ADRA1B: variants seen among roughly 807,000 people sequenced by gnomAD.
ADRA1B encodes the protein alpha-1B adrenergic receptor.
In ADRA1B, 17 loss-of-function variants were observed where a neutral mutation model predicts 17.9. The ratio of observed to expected loss-of-function variants is 0.95; its 90% confidence interval spans 0.65 to 1.42. The LOEUF is 1.42. Ranked by LOEUF, ADRA1B falls within the 40% of genes most tolerant of loss-of-function variation. The pLI is 0.00. For synonymous variants in ADRA1B, 366 were observed against 327.6 expected (o/e 1.12, Z -1.27); for missense variants, 681 against 722.1 (o/e 0.94, Z 0.65).
chr5:159,974,877 G>A (rs1041088816), downstream of ADRA1B, among the ~76,000 whole-genome samples: 7 of 152,248 alleles, frequency 4.6e-5, no homozygotes, highest in East Asian at 5.8e-4. Context: ...GGAGACTGAG[G>A]TAAATAATTT....
At chr5:159,909,092 A>G (rs1363510526) in intron 1 of ADRA1B, among the ~76,000 whole-genome samples, 5 of 152,208 alleles carry the variant, frequency 3.3e-5, no homozygotes, top group Admixed American at 3.3e-4. Flanking sequence ...TCCAGTAAAC[A>G]GCAGAGACAC....
chr5:159,927,457 TATTCTG>T (rs201678738), intron 1 of ADRA1B, among the ~76,000 whole-genome samples: 2 of 150,336 alleles, frequency 1.3e-5, no homozygotes, highest in Admixed American at 1.3e-4. Flanking sequence ...AGGCCAACAA[TATTCTG>T]ATTCTTTCCA....
At chr5:159,965,461 C>T (rs1416141190) in intron 1 of ADRA1B, among the ~76,000 whole-genome samples, 1 of 152,206 alleles carries the variant, frequency 6.6e-6, no homozygotes, top group African/African-American at 2.4e-5. Flanking sequence ...TTACTCCCCT[C>T]ACCCAGCAGC....
downstream of ADRA1B, among the ~76,000 whole-genome samples, chr5:159,974,440 G>T (rs1178845006): frequency 6.6e-6 from 1 of 152,202 alleles, no homozygotes; most frequent in Non-Finnish European, 1.5e-5. Context: ...TTCAAGACCA[G>T]CCTGGCCAAC....
chr5:159,962,382 T>A (rs1222419568), intron 1 of ADRA1B, among the ~76,000 whole-genome samples: 3 of 133,928 alleles, frequency 2.2e-5, no homozygotes, highest in African/African-American at 7.9e-5. Flanking sequence ...GCCATCTGTC[T>A]GAGTGGTGCT....
chr5:159,932,667 T>C (rs549975737), intron 1 of ADRA1B, among the ~76,000 whole-genome samples: 25 of 152,256 alleles, frequency 1.6e-4, no homozygotes, highest in African/African-American at 5.8e-4. Context: ...AGGCAACCAC[T>C]ATTAACAGTT....
At chr5:159,924,649 G>T (rs1268804901) in intron 1 of ADRA1B, among the ~76,000 whole-genome samples, 2 of 152,172 alleles carry the variant, frequency 1.3e-5, no homozygotes, top group Non-Finnish European at 2.9e-5. Context: ...ACCCCTGCTG[G>T]AGCAAAACGG....
chr5:159,872,594 G>T (rs538360838), intron 1 of ADRA1B, among the ~76,000 whole-genome samples: 1 of 152,124 alleles, frequency 6.6e-6, no homozygotes, highest in African/African-American at 2.4e-5. Context: ...TTGAATCCAG[G>T]TCTGTCTGAA....
chr5:159,915,064 G>A (rs187331714), upstream of ADRA1B, among the ~76,000 whole-genome samples: 302 of 152,310 alleles, frequency 2.0e-3, 2 homozygotes, highest in Admixed American at 0.012. Context: ...ATCAGTAAGC[G>A]CTCAATTCAT....
At position 159,924,020 on chromosome 5, in the gene ADRA1B, T is replaced by C. The variant is rs901923539; in HGVS notation, c.949+6166T>C. Among the ~76,000 whole-genome samples the C allele has an allele frequency of 2.0e-5, 3 of 152,248 alleles. No homozygotes were observed. The East Asian group carries it at 5.8e-4, about 29-fold the overall frequency. ...TGGTAGAGTCTATCAAACACCACAT[T>C]TGGCACTCAATAAACATTCATTATA... On this transcript the variant is annotated intron_variant, in intron 1 of 1. Transcript: ENST00000306675.
rs565986462 is a variant in ADRA1B at position 159,926,139 on chromosome 5, T to C, written c.949+8285T>C. Among the ~76,000 whole-genome samples the C allele has an allele frequency of 5.3e-5, 8 of 152,328 alleles. No individual in the cohort carries two copies. In the East Asian group the frequency reaches 1.5e-3, roughly 29 times the overall value. The stretch of plus-strand genomic sequence containing the variant: ...GTGCACTCAATTGAAGTAAAATTAT[T>C]TGCCACTTCCCAAATACACTTTGCA... On this transcript the variant is annotated intron_variant, in intron 1 of 1. Transcript: ENST00000306675.
chr5:159,872,957 G>A (rs755652285), intron 1 of ADRA1B, among the ~76,000 whole-genome samples: 8 of 142,714 alleles, frequency 5.6e-5, no homozygotes, highest in Admixed American at 1.4e-4. Flanking sequence ...CCCAGTGTGT[G>A]ATGTTCCCCT....
intron 1 of ADRA1B, among the ~76,000 whole-genome samples, chr5:159,897,347 G>T (rs923220204): frequency 6.6e-6 from 1 of 152,102 alleles, no homozygotes; most frequent in Non-Finnish European, 1.5e-5. Context: ...TTAGCCGGGC[G>T]TGGTGGAACG....
At chr5:159,948,273 C>A in intron 1 of ADRA1B, 9 of 985,422 alleles carry the variant, frequency 9.1e-6, no homozygotes, top group Non-Finnish European at 1.1e-5. Flanking sequence ...GAAGCTGGAC[C>A]TTTTCACACA....
At chr5:159,874,398 T>C (rs1290317643) in intron 1 of ADRA1B, among the ~76,000 whole-genome samples, 1 of 152,230 alleles carries the variant, frequency 6.6e-6, no homozygotes, top group East Asian at 1.9e-4. Flanking sequence ...TCTGTAGAGC[T>C]GTGGGTGGCC....
chr5:159,903,358 C>T (rs1270466523), intron 1 of ADRA1B, among the ~76,000 whole-genome samples: 2 of 152,192 alleles, frequency 1.3e-5, no homozygotes, highest in Non-Finnish European at 2.9e-5. Flanking sequence ...CCATGTGAAG[C>T]CTAAATGACG....
At chr5:159,932,629 G>A (rs959120008) in intron 1 of ADRA1B, among the ~76,000 whole-genome samples, 23 of 151,986 alleles carry the variant, frequency 1.5e-4, no homozygotes, top group African/African-American at 5.1e-4. Context: ...CACTTCCTTG[G>A]CCCCAGTCAT....
chr5:159,879,928 G>C (rs1221735990), intron 1 of ADRA1B, among the ~76,000 whole-genome samples: 2 of 152,128 alleles, frequency 1.3e-5, no homozygotes, highest in African/African-American at 4.8e-5. Flanking sequence ...CCTGGGAGGA[G>C]GAGGTTGCAG....
downstream of ADRA1B, among the ~76,000 whole-genome samples, chr5:159,975,128 A>T (rs1755952392): frequency 6.6e-6 from 1 of 152,228 alleles, no homozygotes; most frequent in African/African-American, 2.4e-5. Context: ...GGAAGTTCTG[A>T]AAACATTGTG....
Sources: allele counts gnomAD v4.1 joint callset (sites outside exome capture counted in the v4.1 genomes callset), GRCh38; gene constraint gnomAD v4.1.1; transcripts MANE v1.5; gene names NCBI Gene and HGNC (gene_info 2026-07-23, HGNC 2026-07-21).